Variants in NTRK3 observed in about 807,000 individuals in gnomAD.
NTRK3 encodes the protein neurotrophic receptor tyrosine kinase 3.
Under a neutral mutation model 91.7 loss-of-function variants are expected in NTRK3, and 24 were observed. That is an observed-to-expected ratio of 0.26 (90% CI 0.19 to 0.37). NTRK3 has a LOEUF of 0.37. NTRK3 is among the 10% of genes least tolerant of loss of function. NTRK3 has a pLI of 1.00. For missense variants in NTRK3, 880 were observed against 1,068.9 expected (o/e 0.82, Z 2.46); for synonymous variants, 483 against 404.0 (o/e 1.20, Z -2.34).
At chr15:88,182,774 C>T (rs922411822) in intron 5 of NTRK3, among the ~76,000 whole-genome samples, 8 of 152,190 alleles carry the variant, frequency 5.3e-5, no homozygotes, top group Non-Finnish European at 7.3e-5. Flanking sequence ...GCCCAGAACT[C>T]GGCTTAGAGA....
chr15:88,171,768 C>T (rs1036079045), intron 5 of NTRK3, among the ~76,000 whole-genome samples: 1 of 152,246 alleles, frequency 6.6e-6, no homozygotes. Context: ...GCCTAGTCTG[C>T]CCACCTTCAA....
At chr15:87,982,058 G>C (rs142802247) in intron 14 of NTRK3, among the ~76,000 whole-genome samples, 1 of 152,162 alleles carries the variant, frequency 6.6e-6, no homozygotes, top group African/African-American at 2.4e-5. Flanking sequence ...GGAAAGATCC[G>C]TGTCGGATCC....
intron 14 of NTRK3, among the ~76,000 whole-genome samples, chr15:88,017,608 G>C (rs1341978667): frequency 6.6e-6 from 1 of 152,148 alleles, no homozygotes; most frequent in Non-Finnish European, 1.5e-5. Flanking sequence ...CTGAACAAAG[G>C]AATATATGTG....
Position 88,235,313 on chromosome 15 carries a change from A to G in NTRK3, c.248+20593T>C, listed in dbSNP as rs1011699869. Among the ~76,000 whole-genome samples the G allele has an allele frequency of 1.3e-5, 2 of 152,170 alleles. No individual in the cohort carries two copies. The highest frequency in any genetic ancestry group is 4.8e-5 in the African/African-American group (2 of 41,454). On this transcript the variant is annotated intron_variant, in intron 3 of 18. Coordinates refer to ENST00000394480, the Ensembl canonical transcript of NTRK3. The surrounding 1 kb of genome is among the most constrained non-coding windows in gnomAD (Gnocchi z 5.2). ...GTCTACCCTACCCACAATAGCCTCC[A>G]GGCTCTGAGCTGGCAGGCTGGGCTG...
chr15:87,879,802 C>T (rs191802778), intron 18 of NTRK3, among the ~76,000 whole-genome samples: 5 of 152,110 alleles, frequency 3.3e-5, no homozygotes, highest in East Asian at 1.9e-4. Flanking sequence ...TATTCCTAGA[C>T]GTTCACACAT....
intron 2 of NTRK3, 26 bp from the exon 3 acceptor site, chr15:88,256,194 AG>A (rs749584054): frequency 2.9e-5 from 8 of 275,384 alleles, no homozygotes; most frequent in Middle Eastern, 1.1e-3. Context: ...AGGAGAGGAG[AG>A]GGGGGTGGGG....
chr15:88,085,981 G>A (rs577971418), intron 13 of NTRK3, among the ~76,000 whole-genome samples: 1 of 152,326 alleles, frequency 6.6e-6, no homozygotes, highest in South Asian at 2.1e-4. Context: ...GACAGAATGA[G>A]CCTAGGGCAT....
intron 5 of NTRK3, among the ~76,000 whole-genome samples, chr15:88,168,830 A>C (rs954838021): frequency 4.6e-5 from 7 of 152,236 alleles, no homozygotes; most frequent in African/African-American, 1.4e-4. Context: ...TTCGACAAGC[A>C]TCAGGAGAGG....
chr15:87,906,514 G>T (rs2066776185), intron 17 of NTRK3, among the ~76,000 whole-genome samples: 1 of 152,168 alleles, frequency 6.6e-6, no homozygotes, highest in Non-Finnish European at 1.5e-5. Context: ...CCATCAAGCA[G>T]ACAAGGTATC....
At chr15:88,014,831 T>A (rs1014406288) in intron 14 of NTRK3, among the ~76,000 whole-genome samples, 3 of 152,212 alleles carry the variant, frequency 2.0e-5, no homozygotes, top group Non-Finnish European at 2.9e-5. Context: ...TTTTTATTTT[T>A]CCAAAAGCAA....
At chr15:87,901,445 G>C (rs2066447735) in intron 17 of NTRK3, among the ~76,000 whole-genome samples, 1 of 152,230 alleles carries the variant, frequency 6.6e-6, no homozygotes, top group South Asian at 2.1e-4. Context: ...GGTCAAGCCA[G>C]GCTGAGTGCT....
intron 17 of NTRK3, among the ~76,000 whole-genome samples, chr15:87,892,786 A>G (rs2065914967): frequency 6.6e-6 from 1 of 152,212 alleles, no homozygotes; most frequent in South Asian, 2.1e-4. Context: ...CAATAAAAGG[A>G]TTTCATGCAT....
chr15:87,992,491 C>T lies in NTRK3; in HGVS notation c.1585+40366G>A, dbSNP rs376319166. Among the ~76,000 whole-genome samples the T allele has an allele frequency of 1.1e-3, 175 of 152,354 alleles. 5 individuals are homozygous for T. The South Asian group carries it at 0.034, about 30-fold the overall frequency. ...ATAATTCTTCTCCTCTTACCTGGAA[C>T]TGTTTCAGACGCATACACTACAATG... is the stretch of plus-strand genomic sequence containing the variant. On this transcript the variant is annotated intron_variant, in intron 14 of 18. Coordinates refer to ENST00000394480, the Ensembl canonical transcript of NTRK3.
chr15:87,931,297 A>G (rs544774107), intron 16 of NTRK3: 31 of 501,462 alleles, frequency 6.2e-5, no homozygotes, highest in African/African-American at 5.6e-4. Context: ...CCAGGGGAAC[A>G]AAAGGACAAA....
chr15:88,066,458 C>A (rs2046659444), intron 13 of NTRK3, among the ~76,000 whole-genome samples: 1 of 152,240 alleles, frequency 6.6e-6, no homozygotes, highest in African/African-American at 2.4e-5. Context: ...CCCTGCCTTT[C>A]TGAATCACAC....
At chr15:87,924,712 TTTCTC>T (rs2068148257) in intron 17 of NTRK3, among the ~76,000 whole-genome samples, 1 of 152,124 alleles carries the variant, frequency 6.6e-6, no homozygotes, top group African/African-American at 2.4e-5. Context: ...TCTGTCTAGG[TTTCTC>T]TTGGTCTGGA....
intron 14 of NTRK3, among the ~76,000 whole-genome samples, chr15:87,964,813 G>T (rs757585587): frequency 6.6e-6 from 1 of 152,184 alleles, no homozygotes; most frequent in Non-Finnish European, 1.5e-5. Context: ...ATGTGTAAGT[G>T]CTTCATTCCT....
chr15:88,197,424 A>G (rs924229731), intron 3 of NTRK3, among the ~76,000 whole-genome samples: 1 of 152,170 alleles, frequency 6.6e-6, no homozygotes, highest in Non-Finnish European at 1.5e-5. Flanking sequence ...TACAAAGATG[A>G]CATCGATCAT....
rs1203159384 is a variant in NTRK3, at chr15:88,233,582, G to T, written c.248+22324C>A. ...TAGTTGCCACAGGCCTCCTTAATTT[G>T]CAGGCTAGCCCTACTGTCCTGAAAC... On this transcript the variant is annotated intron_variant, in intron 3 of 18. Coordinates refer to ENST00000394480, the Ensembl canonical transcript of NTRK3. The surrounding 1 kb of genome is among the most constrained non-coding windows in gnomAD (Gnocchi z 4.2). 1.3e-5 allele frequency among the ~76,000 whole-genome samples: 2 copies of T among 152,034 alleles called. No homozygotes were observed. Among genetic ancestry groups the T allele is most frequent in the Non-Finnish European group, 2.9e-5 (2 of 67,992 alleles).
Sources: allele counts gnomAD v4.1 joint callset (sites outside exome capture counted in the v4.1 genomes callset), GRCh38; gene constraint gnomAD v4.1.1; non-coding constraint Gnocchi (gnomAD v3.1); transcripts MANE v1.5; gene names NCBI Gene and HGNC (gene_info 2026-07-23, HGNC 2026-07-21).